Variants in RTN4RL1 observed in about 807,000 individuals in gnomAD.
RTN4RL1 encodes the protein reticulon-4 receptor-like 1.
Under a neutral mutation model 25.6 loss-of-function variants are expected in RTN4RL1, and 7 were observed. The observed-to-expected ratio is 0.27, with a 90% CI of 0.16 to 0.51. RTN4RL1 has a LOEUF of 0.51. Ranked by LOEUF, RTN4RL1 falls within the 20% of genes least tolerant of loss-of-function variation. The pLI is 0.97. For missense variants in RTN4RL1, 500 were observed against 615.6 expected (o/e 0.81, Z 1.99); for synonymous variants, 297 against 288.2 (o/e 1.03, Z -0.31).
intron 1 of RTN4RL1, among the ~76,000 whole-genome samples, chr17:1,977,740 C>A (rs1325437891): frequency 6.6e-6 from 1 of 152,130 alleles, no homozygotes; most frequent in Non-Finnish European, 1.5e-5. Flanking sequence ...AAAACCCCAT[C>A]CCGGCCCTCA....
chr17:2,006,652 G>A (rs1484583701), intron 1 of RTN4RL1, among the ~76,000 whole-genome samples: 1 of 151,790 alleles, frequency 6.6e-6, no homozygotes, highest in African/African-American at 2.4e-5. Flanking sequence ...ACAGTCTCTC[G>A]CTTTGTTGCC....
intron 1 of RTN4RL1, among the ~76,000 whole-genome samples, chr17:1,962,502 G>A (rs2066769274): frequency 6.6e-6 from 1 of 151,822 alleles, no homozygotes; most frequent in African/African-American, 2.4e-5. Flanking sequence ...GGGACTACAG[G>A]TGCTCGCCAT....
chr17:2,008,222 T>C (rs1381920843), intron 1 of RTN4RL1, among the ~76,000 whole-genome samples: 3 of 151,016 alleles, frequency 2.0e-5, no homozygotes, highest in East Asian at 1.9e-4. Context: ...TGAGCCGAGA[T>C]TGCGCCATTG....
chr17:1,962,649 G>C (rs1278438469), intron 1 of RTN4RL1, among the ~76,000 whole-genome samples: 1 of 151,992 alleles, frequency 6.6e-6, no homozygotes, highest in Non-Finnish European at 1.5e-5. Context: ...TGGATCATTT[G>C]AGGTCAGGAG....
In RTN4RL1 at chr17:1,950,197, C is replaced by A. The variant is rs1038262052; in HGVS notation, c.14-12389G>T. On this transcript the variant is annotated intron_variant, in intron 1 of 1. Transcript: ENST00000331238. ...GAGGGAGGCCTGTGGCCGTGAGAGA[C>A]CTTGGGGGCCTGAAGAGGGCAGGGG... Among the ~76,000 whole-genome samples, 4 of 152,140 alleles carry A rather than the reference C, an allele frequency of 2.6e-5. No homozygotes were observed. The South Asian group carries it at 8.3e-4, about 32-fold the overall frequency.
At chr17:1,984,700 C>T (rs764706169) in intron 1 of RTN4RL1, among the ~76,000 whole-genome samples, 1 of 152,256 alleles carries the variant, frequency 6.6e-6, no homozygotes, top group Non-Finnish European at 1.5e-5. Context: ...GGCGCCGTGG[C>T]TCACGCCTGT....
At position 1,934,809 on chromosome 17, in the gene RTN4RL1, C is replaced by A. The variant is rs963731818; in HGVS notation, c.*1687G>T. The A allele has an allele frequency of 1.1e-4, 17 of 152,698 alleles. No homozygotes were observed. The highest frequency in any genetic ancestry group is 3.9e-4 in the African/African-American group (16 of 41,456). The allele number at this position is 152,698 out of a possible 1,614,324, so 9.5% of individuals were successfully genotyped here. A position where few individuals can be genotyped will look rare whatever the true frequency, so the allele number is the denominator to read the frequency against. The stretch of plus-strand genomic sequence containing the variant: ...CAAAGCACAAAGGAGCTTGTACCCA[C>A]CTGGGCCCCCGGCCAGCAGCACGGC... On this transcript the variant is annotated 3_prime_UTR_variant, in exon 2 of 2. Coordinates refer to ENST00000331238, the MANE Select transcript of RTN4RL1 (RefSeq NM_178568.4). This position sits in a 1 kb window ranked among gnomAD's most constrained non-coding sequence, Gnocchi z 4.0.
chr17:2,019,973 A>C (rs1463874805), intron 1 of RTN4RL1: 1 of 152,222 alleles, frequency 6.6e-6, no homozygotes, highest in Non-Finnish European at 1.5e-5. Context: ...CATGGGCTTT[A>C]CTTAGCAACT....
At chr17:1,956,496 G>C (rs927796295) in intron 1 of RTN4RL1, among the ~76,000 whole-genome samples, 5 of 152,124 alleles carry the variant, frequency 3.3e-5, no homozygotes, top group African/African-American at 1.2e-4. Context: ...TGGGGCCAGA[G>C]GCAATGCACA....
At chr17:2,022,357 G>A (rs1038558695) in intron 1 of RTN4RL1, among the ~76,000 whole-genome samples, 11 of 152,122 alleles carry the variant, frequency 7.2e-5, no homozygotes, top group African/African-American at 2.6e-4. Context: ...CCACTCTGTT[G>A]CCCGAGCTGG....
In RTN4RL1 at chr17:1,958,372, G is replaced by C. The variant is rs149532773; in HGVS notation, c.14-20564C>G. Among the ~76,000 whole-genome samples, 866 of 152,166 alleles carry C rather than the reference G, an allele frequency of 5.7e-3. 10 individuals carry two copies. The highest frequency in any genetic ancestry group is 0.02 in the African/African-American group (818 of 41,506). On this transcript the variant is annotated intron_variant, in intron 1 of 1. Coordinates refer to ENST00000331238, the MANE Select transcript of RTN4RL1 (RefSeq NM_178568.4). ...CCGCCAGTGCCCCACCAGGCACCCCGTCCCCACCTCCCATGAGCCGTGTCT... is the reference window on the plus strand; with the variant it reads ...CCGCCAGTGCCCCACCAGGCACCCCCTCCCCACCTCCCATGAGCCGTGTCT...
intron 1 of RTN4RL1, among the ~76,000 whole-genome samples, chr17:1,978,697 G>C (rs924783833): frequency 6.6e-6 from 1 of 152,210 alleles, no homozygotes. Flanking sequence ...AGCATGGAGC[G>C]TGGTGCTTAG....
At chr17:1,941,614 G>T (rs1232521405) in intron 1 of RTN4RL1, among the ~76,000 whole-genome samples, 1 of 152,158 alleles carries the variant, frequency 6.6e-6, no homozygotes, top group African/African-American at 2.4e-5. Flanking sequence ...GGTGGGGGGG[G>T]ATCCGAGCCC....
At chr17:1,973,017 TGGA>T (rs2066827122) in intron 1 of RTN4RL1, among the ~76,000 whole-genome samples, 1 of 152,190 alleles carries the variant, frequency 6.6e-6, no homozygotes, top group Non-Finnish European at 1.5e-5. Flanking sequence ...GCATTCTCAG[TGGA>T]TACCATGTTG....
chr17:2,019,361 G>A (rs1426892392), intron 1 of RTN4RL1: 5 of 152,142 alleles, frequency 3.3e-5, no homozygotes, highest in Non-Finnish European at 7.3e-5. Context: ...CTACTTCACT[G>A]CAGATGGTAC....
intron 1 of RTN4RL1, among the ~76,000 whole-genome samples, chr17:1,960,423 C>G (rs1006150107): frequency 6.6e-6 from 1 of 152,080 alleles, no homozygotes; most frequent in Non-Finnish European, 1.5e-5. Flanking sequence ...ACGTCGCCCT[C>G]GTGAGCGGCC....
chr17:1,989,600 G>A (rs2066901086), intron 1 of RTN4RL1, among the ~76,000 whole-genome samples: 2 of 152,070 alleles, frequency 1.3e-5, no homozygotes, highest in South Asian at 4.2e-4. Flanking sequence ...TTGAGACAAA[G>A]TGTTGCTCTG....
At chr17:1,997,916 C>G (rs991802692) in intron 1 of RTN4RL1, among the ~76,000 whole-genome samples, 1 of 152,204 alleles carries the variant, frequency 6.6e-6, no homozygotes, top group African/African-American at 2.4e-5. Context: ...CAGGGGCCGG[C>G]GCGCTCCTCG....
In RTN4RL1 at chr17:2,024,888, C is replaced by A; in HGVS notation, c.-23G>T. On this transcript the variant is annotated 5_prime_UTR_variant, in exon 1 of 2. Transcript: ENST00000331238. ...CATGTTGGCCACGGGGCCGCCGCTCCGAGGTCGGCCTAGGCGCACTCCCTC... is the reference window on the plus strand; with the variant it reads ...CATGTTGGCCACGGGGCCGCCGCTCAGAGGTCGGCCTAGGCGCACTCCCTC... The A allele has an allele frequency of 6.3e-7, 1 of 1,582,552 alleles. No individual in the cohort carries two copies. The highest frequency in any genetic ancestry group is 2.3e-5 in the East Asian group (1 of 43,102).
Sources: allele counts gnomAD v4.1 joint callset (sites outside exome capture counted in the v4.1 genomes callset), GRCh38; gene constraint gnomAD v4.1.1; non-coding constraint Gnocchi (gnomAD v3.1); transcripts MANE v1.5; gene names NCBI Gene and HGNC (gene_info 2026-07-23, HGNC 2026-07-21).